DNAH2: variants seen among roughly 807,000 people sequenced by gnomAD.
DNAH2 encodes axonemal beta dynein heavy chain 2.
DNAH2 carries 323 observed loss-of-function variants against 523.5 expected under a neutral mutation model. That is an observed-to-expected ratio of 0.62 (90% confidence interval 0.56 to 0.68). The LOEUF (loss-of-function observed/expected upper bound fraction) is 0.68, where lower values mean the gene tolerates loss of function less well. Ranked by LOEUF, DNAH2 falls within the 30% of genes least tolerant of loss-of-function variation. The pLI is 0.00. For synonymous variants in DNAH2, 2,093 were observed against 2,177.4 expected, an observed-to-expected ratio of 0.96 and a Z score of 1.08; for missense variants, 4,907 against 5,701.5, an observed-to-expected ratio of 0.86 and a Z score of 4.49.
Position 7,779,396 on chromosome 17 carries a change from T to C in DNAH2, c.5695T>C (p.Cys1899Arg). Residue 1899 changes from cysteine to arginine, a missense_variant, in exon 36 of 86, where the codon TGT (cysteine) becomes CGT (arginine). Around this residue, in one of 3 missense-constraint regions of DNAH2, gnomAD observed 2,806 missense variants for 3,190.8 expected, o/e 0.88. Transcript: ENST00000572933. The part of the protein sequence containing the change: ...DGFEINLVWS[C>R]GIFITMNPGY... ...CTTTGAAATAAATCTGGTGTGGTCC[T>C]GTGGGATCTTCATTACCATGAATCC... The C allele has an allele frequency of 6.2e-7, 1 of 1,613,926 alleles. No individual in the cohort carries two copies. The highest frequency in any genetic ancestry group is 8.5e-7 in the Non-Finnish European group (1 of 1,179,934).
chr17:7,833,087 G>A lies in DNAH2; in HGVS notation c.12995G>A (p.Arg4332Gln). The A allele has an allele frequency of 1.2e-6, 2 of 1,613,252 alleles. No individual in the cohort carries two copies. The highest frequency in any genetic ancestry group is 1.7e-5 in the Admixed American group (1 of 60,024). The change falls in exon 85 of 86, where the codon CGG becomes CAG. Residue 4332 changes from arginine (R) to glutamine (Q), a missense_variant. Arg to Gln is a conservative substitution (Grantham distance 43). This residue lies in a region of DNAH2 where 1,851 missense variants were observed against 2,139.4 expected (regional missense o/e 0.87). Coordinates refer to ENST00000572933, the MANE Select transcript of DNAH2 (RefSeq NM_020877.5). The part of the protein sequence containing the change: ...VYPPKDGVWV[R>Q]GLYLEGAGWD... Reference sequence around the variant, plus strand: ...TCTCCCCAGGATGGTGTCTGGGTCCGGGGCCTGTACCTGGAAGGTGCTGGC... The same window carrying A: ...TCTCCCCAGGATGGTGTCTGGGTCCAGGGCCTGTACCTGGAAGGTGCTGGC...
At chr17:7,731,728 C>T (rs1436959247) in intron 4 of DNAH2, among the ~76,000 whole-genome samples, 1 of 151,982 alleles carries the variant, frequency 6.6e-6, no homozygotes, top group Admixed American at 6.6e-5. Flanking sequence ...AGTTGTTAAA[C>T]TTTTAAAAAA....
At position 7,830,746 on chromosome 17, in the gene DNAH2, A is replaced by G; in HGVS notation, c.12134A>G (p.Tyr4045Cys). 6.2e-7 allele frequency: 1 copy of G among 1,614,156 alleles called. No homozygotes were observed. Among genetic ancestry groups the G allele is most frequent in the Non-Finnish European group, 8.5e-7 (1 of 1,180,032 alleles). Reference protein sequence around the residue: ...ALKYLIAGINYGGHVTDDWDR... With the variant: ...ALKYLIAGINCGGHVTDDWDR... ...AAGTACCTCATTGCCGGCATCAACT[A>G]TGGTGGACATGTCACAGATGACTGG... Residue 4045 changes from tyrosine (Y) to cysteine (C), a missense_variant, in exon 79 of 86, where the codon TAT (tyrosine) becomes TGT (cysteine). Transcript: ENST00000572933.
Position 7,770,300 on chromosome 17 carries a change from A to G in DNAH2, c.3990A>G (p.Glu1330=), listed in dbSNP as rs1030875717. 2.2e-5 allele frequency: 35 copies of G among 1,613,710 alleles called. No individual in the cohort carries two copies. The highest frequency in any genetic ancestry group is 2.8e-5 in the Non-Finnish European group (33 of 1,179,888). The part of the protein sequence containing the change: ...RDEIQREFDQ[E]SESFTLEQIV... ...AGATCCAGCGGGAGTTTGATCAGGA[A>G]TCTGAAAGCTTCACCTTGGAGCAGA... Residue 1330 remains glutamate, a synonymous_variant, in exon 25 of 86, where the codon GAA becomes GAG. Coordinates refer to ENST00000572933, the MANE Select transcript of DNAH2 (RefSeq NM_020877.5).
rs1597451216 is a variant in DNAH2, at chr17:7,723,708, T to C, written c.228+19T>C. On this transcript the variant is annotated intron_variant, in intron 3 of 85. Transcript: ENST00000572933. Reference sequence around the variant, plus strand: ...AGATGTGGTAGGCTTGGGTCTTCCCTGTGGCAGATATTCCTCCCCCAAAAC... The same window carrying C: ...AGATGTGGTAGGCTTGGGTCTTCCCCGTGGCAGATATTCCTCCCCCAAAAC... The C allele has an allele frequency of 6.2e-7, 1 of 1,611,772 alleles. No individual in the cohort carries two copies.
Position 7,777,646 on chromosome 17 carries a change from G to C in DNAH2, c.5247+12G>C, listed in dbSNP as rs769778079. On this transcript the variant is annotated intron_variant, in intron 33 of 85. Transcript: ENST00000572933. ...TCTACTGGGAGAAGGTGCCAGATGG[G>C]CCACCTCCCCACTCTCTTACCGTAA... 6.2e-7 allele frequency: 1 copy of C among 1,613,540 alleles called. No individual in the cohort carries two copies. Among genetic ancestry groups the C allele is most frequent in the Non-Finnish European group, 8.5e-7 (1 of 1,179,602 alleles).
chr17:7,774,762 T>C lies in DNAH2; in HGVS notation c.4505T>C (p.Leu1502Pro), dbSNP rs1171662285. The change falls in exon 29 of 86, where the codon CTC becomes CCC. Residue 1502 changes from leucine to proline, a missense_variant. By Grantham distance (98) the Leu-to-Pro change is moderately conservative. This residue lies in a region of DNAH2 where 2,806 missense variants were observed against 3,190.8 expected (regional missense o/e 0.88). Transcript: ENST00000572933. ...CATTCATCGCTCTTCTTCCCAGGCC[T>C]CCTGGACACATTGATAGAAATGAAT... The part of the protein sequence containing the change: ...NALRSTHHPG[L>P]LDTLIEMNTI... 1.2e-6 allele frequency: 2 copies of C among 1,613,870 alleles called. No individual in the cohort carries two copies. Among genetic ancestry groups the C allele is most frequent in the Admixed American group, 3.3e-5 (2 of 60,014 alleles).
chr17:7,785,299 C>T (rs1032198595), intron 39 of DNAH2, among the ~76,000 whole-genome samples: 11 of 152,098 alleles, frequency 7.2e-5, no homozygotes, highest in Non-Finnish European at 1.5e-4. Context: ...GACGGGGTTT[C>T]GCCATGTTGG....
chr17:7,802,505 C>T (rs769302702), intron 58 of DNAH2, among the ~76,000 whole-genome samples: 1 of 152,200 alleles, frequency 6.6e-6, no homozygotes, highest in African/African-American at 2.4e-5. Context: ...CTGCATGTAA[C>T]TTATGCACGT....
At chr17:7,777,685 G>C (rs2076494432) in intron 33 of DNAH2, 51 bp downstream of exon 33, 1 of 1,598,394 alleles carries the variant, frequency 6.3e-7, no homozygotes, top group Non-Finnish European at 8.6e-7. Flanking sequence ...GGATCCTAAT[G>C]CTTTTATTGC....
intron 12 of DNAH2, among the ~76,000 whole-genome samples, chr17:7,748,835 A>G (rs369593215): frequency 1.8e-4 from 27 of 151,490 alleles, no homozygotes; most frequent in African/African-American, 3.9e-4. Flanking sequence ...AGAAAAACTG[A>G]TATTTGTCAA....
intron 4 of DNAH2, among the ~76,000 whole-genome samples, chr17:7,729,579 T>C (rs2074926913): frequency 6.6e-6 from 1 of 152,098 alleles, no homozygotes; most frequent in Non-Finnish European, 1.5e-5. Context: ...TACAGGCATG[T>C]ACCACCACAC....
chr17:7,808,615 G>A (rs1444350074), intron 63 of DNAH2, among the ~76,000 whole-genome samples: 1 of 152,132 alleles, frequency 6.6e-6, no homozygotes, highest in East Asian at 1.9e-4. Context: ...CTAGTCACCA[G>A]CTTTCCTCTC....
Position 7,823,388 on chromosome 17 carries a change from T to G in DNAH2, c.11143-54T>G. The G allele has an allele frequency of 2.0e-6, 3 of 1,524,258 alleles. No individual in the cohort carries two copies. The South Asian group carries it at 3.5e-5, about 18-fold the overall frequency. 94.4% of individuals were successfully genotyped at this position (1,524,258 alleles called of 1,614,324 possible). ...GAGAGAGAGGAGAAAAAGATCACTCTTCTTTTGAAGTATTCCCAAGTCAAT... is the reference window on the plus strand; with the variant it reads ...GAGAGAGAGGAGAAAAAGATCACTCGTCTTTTGAAGTATTCCCAAGTCAAT... On this transcript the variant is annotated intron_variant, in intron 73 of 85. Transcript: ENST00000572933.
rs961729513 is a variant in DNAH2, at chr17:7,793,061, C to T, written c.7425C>T (p.Gly2475=). Residue 2475 remains glycine (G), a synonymous_variant, in exon 48 of 86, where the codon GGC becomes GGT. Transcript: ENST00000572933. ...AGGGTGTCTACGTGCCATTCGGGGG[C>T]AAAAGCATGATCACCTTTATGGATG... ...RTKGVYVPFG[G]KSMITFMDDL... The T allele has an allele frequency of 6.2e-7, 1 of 1,614,054 alleles. No individual in the cohort carries two copies. Among genetic ancestry groups the T allele is most frequent in the African/African-American group, 1.3e-5 (1 of 74,922 alleles).
chr17:7,749,960 G>A (rs556979948), intron 12 of DNAH2, among the ~76,000 whole-genome samples: 63 of 152,252 alleles, frequency 4.1e-4, no homozygotes, highest in Non-Finnish European at 4.3e-4. Flanking sequence ...TCACGCCATT[G>A]CACTGCAGCC....
chr17:7,806,474 G>A (rs975961950), intron 61 of DNAH2, among the ~76,000 whole-genome samples: 11 of 151,838 alleles, frequency 7.2e-5, no homozygotes, highest in Non-Finnish European at 1.5e-4. Context: ...TGGCTAACAC[G>A]GTGAAACCCT....
intron 2 of DNAH2, among the ~76,000 whole-genome samples, chr17:7,721,667 C>T (rs1285948927): frequency 6.6e-6 from 1 of 152,194 alleles, no homozygotes; most frequent in Non-Finnish European, 1.5e-5. Context: ...TTTCCTGTTC[C>T]TCATGGTCTT....
rs765261351 is a variant in DNAH2 at position 7,828,646 on chromosome 17, G to A, written c.11854-1654G>A. ...TTAAATAGAGACAGAGTCTTGTTAC[G>A]TTGCCTGGGTTGGTCTCAAACTCCT... is the stretch of plus-strand genomic sequence containing the variant. On this transcript the variant is annotated intron_variant, in intron 77 of 85. Transcript: ENST00000572933. This position sits in a 1 kb window ranked among gnomAD's most constrained non-coding sequence, Gnocchi z 4.1. Among the ~76,000 whole-genome samples the A allele has an allele frequency of 2.6e-5, 4 of 151,914 alleles. No individual in the cohort carries two copies. Among genetic ancestry groups the A allele is most frequent in the East Asian group, 1.9e-4 (1 of 5,184 alleles).
Sources: gnomAD v4.1 joint callset for allele counts (sites outside exome capture counted in the v4.1 genomes callset) on GRCh38, gnomAD v4.1.1 for gene constraint, gnomAD v4.1.1 regional missense constraint, Gnocchi (gnomAD v3.1) non-coding constraint, MANE v1.5 for transcripts, NCBI Gene and HGNC (gene_info 2026-07-23, HGNC 2026-07-21) for gene names.